Variants in MFAP3 observed in about 807,000 individuals in gnomAD.
The protein encoded by MFAP3 is microfibril associated protein 3.
MFAP3 carries 8 observed loss-of-function variants against 20.5 expected under a neutral mutation model. The ratio of observed to expected loss-of-function variants is 0.39; its 90% CI spans 0.23 to 0.70. The LOEUF (loss-of-function observed/expected upper bound fraction) is 0.70, where lower values mean the gene tolerates loss of function less well. Ranked by LOEUF, MFAP3 falls within the 30% of genes least tolerant of loss-of-function variation. The pLI is 0.44. For synonymous variants in MFAP3, 140 were observed against 154.0 expected, an observed-to-expected ratio of 0.91 and a Z score of 0.67; for missense variants, 398 against 444.6, an observed-to-expected ratio of 0.90 and a Z score of 0.94.
intron 2 of MFAP3, among the ~76,000 whole-genome samples, chr5:154,051,288 C>T (rs1303950532): frequency 1.3e-5 from 2 of 152,328 alleles, no homozygotes; most frequent in East Asian, 3.9e-4. Flanking sequence ...CATTCAGTGT[C>T]ATCACTGTAG....
At position 154,044,076 on chromosome 5, in the gene MFAP3, G is replaced by C. The variant is rs143345078; in HGVS notation, c.-167+5065G>C. ...GTCTTAGATACAGTTGGCTGTTTCT[G>C]GGCTGTCTTTCAAGCTGGTTTGTAA... On this transcript the variant is annotated intron_variant, in intron 1 of 2. Coordinates refer to ENST00000522782, the MANE Select transcript of MFAP3 (RefSeq NM_005927.5). Among the ~76,000 whole-genome samples, 807 of 152,274 alleles carry C rather than the reference G, an allele frequency of 5.3e-3. 8 individuals are homozygous for C. Among genetic ancestry groups the C allele is most frequent in the African/African-American group, 0.018 (767 of 41,558 alleles).
intron 1 of MFAP3, among the ~76,000 whole-genome samples, chr5:154,042,297 C>T (rs1244995902): frequency 6.6e-6 from 1 of 152,094 alleles, no homozygotes; most frequent in Non-Finnish European, 1.5e-5. Context: ...AGCAAATATA[C>T]CTATGGCAAA....
chr5:154,049,676 A>C lies in MFAP3; in HGVS notation c.-47A>C. ...CGCTGTGCTTTTGTTGTAGTGTAGA[A>C]GTTTTTGAGTTCTCCAAATCTAAAC... is the stretch of plus-strand genomic sequence containing the variant. On this transcript the variant is annotated 5_prime_UTR_variant, in exon 2 of 3. Coordinates refer to ENST00000522782, the MANE Select transcript of MFAP3 (RefSeq NM_005927.5). 2 of 1,563,788 alleles carry C rather than the reference A, an allele frequency of 1.3e-6. No homozygotes were observed. Among genetic ancestry groups the C allele is most frequent in the Non-Finnish European group, 1.7e-6 (2 of 1,150,220 alleles).
chr5:154,052,890 A>AT (rs11451300), intron 2 of MFAP3, 30 bp from the exon 3 acceptor site: 930,324 of 1,500,394 alleles, frequency 0.62, 283,241 homozygotes, highest in East Asian at 0.86. Flanking sequence ...TTTTGCTATA[A>AT]TTTTTTTTTC....
intron 1 of MFAP3, among the ~76,000 whole-genome samples, chr5:154,046,914 C>T (rs1021773900): frequency 2.0e-5 from 3 of 152,184 alleles, no homozygotes; most frequent in Admixed American, 6.5e-5. Flanking sequence ...CTCCCTCACT[C>T]ACTTCAGCCA....
intron 1 of MFAP3, among the ~76,000 whole-genome samples, chr5:154,045,032 C>T (rs1018101433): frequency 6.6e-6 from 1 of 151,884 alleles, no homozygotes; most frequent in African/African-American, 2.4e-5. Context: ...TCTCCTGCTC[C>T]TCTTCCTGTC....
chr5:154,041,989 T>C (rs1490649615), intron 1 of MFAP3, among the ~76,000 whole-genome samples: 1 of 152,236 alleles, frequency 6.6e-6, no homozygotes, highest in East Asian at 1.9e-4. Context: ...CTTGCAAGCC[T>C]ATGGCTTCAC....
In MFAP3 at chr5:154,056,499, G is replaced by A. The variant is rs372862541; in HGVS notation, c.*2786G>A. Among the ~76,000 whole-genome samples, 1 of 152,008 alleles carries A rather than the reference G, an allele frequency of 6.6e-6. No homozygotes were observed. Among genetic ancestry groups the A allele is most frequent in the East Asian group, 1.9e-4 (1 of 5,196 alleles). ...CAACTACAGTCTAAAAGTCTTGATG[G>A]TAACTATAGTGTAATTATCTTTTTG... On this transcript the variant is annotated 3_prime_UTR_variant, in exon 3 of 3. Transcript: ENST00000522782.
In MFAP3 at chr5:154,055,754, C is replaced by T. The variant is rs377357099; in HGVS notation, c.*2041C>T. 3.3e-5 allele frequency among the ~76,000 whole-genome samples: 5 copies of T among 152,232 alleles called. No individual in the cohort carries two copies. The South Asian group carries it at 1.0e-3, about 32-fold the overall frequency. ...CCAAGCAGCTAGGACTACAGGTGTG[C>T]ACCACCTTTCCTGGCTAATTTTTTT... On this transcript the variant is annotated 3_prime_UTR_variant, in exon 3 of 3. Transcript: ENST00000522782.
intron 1 of MFAP3, among the ~76,000 whole-genome samples, chr5:154,041,373 A>G (rs1772947782): frequency 6.6e-6 from 1 of 152,266 alleles, no homozygotes; most frequent in African/African-American, 2.4e-5. Flanking sequence ...TGGGTAGATT[A>G]TAGGATTTAA....
intron 1 of MFAP3, among the ~76,000 whole-genome samples, chr5:154,042,545 C>T (rs1772978510): frequency 6.6e-6 from 1 of 152,106 alleles, no homozygotes; most frequent in Admixed American, 6.5e-5. Context: ...TGTCACTAAC[C>T]TTTTTTAGTT....
intron 1 of MFAP3, among the ~76,000 whole-genome samples, chr5:154,048,786 G>T (rs1773117804): frequency 6.6e-6 from 1 of 152,174 alleles, no homozygotes; most frequent in African/African-American, 2.4e-5. Flanking sequence ...TAAGATGTCA[G>T]TTCCTCCCTT....
intron 1 of MFAP3, among the ~76,000 whole-genome samples, chr5:154,046,843 C>T (rs747918807): frequency 1.3e-5 from 2 of 152,256 alleles, no homozygotes; most frequent in Middle Eastern, 3.4e-3. Flanking sequence ...ACCATACCCC[C>T]AGGTGATCTG....
intron 2 of MFAP3, chr5:154,052,093 T>G (rs1051573084): frequency 6.6e-6 from 1 of 152,180 alleles, no homozygotes; most frequent in Non-Finnish European, 1.5e-5. Flanking sequence ...TTTGCTTTTC[T>G]TACACTTGTA....
intron 2 of MFAP3, among the ~76,000 whole-genome samples, chr5:154,050,508 C>A (rs902183101): frequency 6.6e-6 from 1 of 151,818 alleles, no homozygotes; most frequent in Non-Finnish European, 1.5e-5. Flanking sequence ...TAGAGGAAAT[C>A]CAGGACATTT....
At chr5:154,048,834 C>T (rs547391825) in intron 1 of MFAP3, among the ~76,000 whole-genome samples, 1 of 152,164 alleles carries the variant, frequency 6.6e-6, no homozygotes, top group East Asian at 1.9e-4. Context: ...ATTTGGTATG[C>T]TTACAAACTA....
intron 1 of MFAP3, among the ~76,000 whole-genome samples, chr5:154,047,501 G>T (rs143814484): frequency 6.6e-5 from 10 of 152,166 alleles, no homozygotes; most frequent in African/African-American, 2.2e-4. Context: ...CTGGAGTTGT[G>T]GGGGGCTTTT....
At chr5:154,046,771 G>A (rs1488929550) in intron 1 of MFAP3, among the ~76,000 whole-genome samples, 3 of 152,130 alleles carry the variant, frequency 2.0e-5, no homozygotes, top group Non-Finnish European at 4.4e-5. Flanking sequence ...CAGGAAGACC[G>A]AATCCATTTC....
intron 1 of MFAP3, among the ~76,000 whole-genome samples, chr5:154,048,834 C>G (rs547391825): frequency 2.6e-5 from 4 of 152,282 alleles, no homozygotes; most frequent in Admixed American, 2.0e-4. Context: ...ATTTGGTATG[C>G]TTACAAACTA....
Sources: allele counts gnomAD v4.1 joint callset (sites outside exome capture counted in the v4.1 genomes callset), GRCh38; gene constraint gnomAD v4.1.1; transcripts MANE v1.5; gene names NCBI Gene and HGNC (gene_info 2026-07-23, HGNC 2026-07-21).